ZNF286A: variants seen among roughly 807,000 people sequenced by gnomAD.
ZNF286A encodes zinc finger protein 286A, also known as zinc finger protein ZNF286.
A neutral mutation model predicts 49.3 loss-of-function variants in ZNF286A; 34 were observed. The ratio of observed to expected loss-of-function variants is 0.69; its 90% confidence interval spans 0.52 to 0.92. The LOEUF (loss-of-function observed/expected upper bound fraction) is 0.92, where lower values mean the gene tolerates loss of function less well. Ranked by LOEUF, ZNF286A falls within the 40% of genes least tolerant of loss-of-function variation. The pLI is 0.00. For missense variants in ZNF286A, 462 were observed against 600.2 expected, an observed-to-expected ratio of 0.77 and a Z score of 2.41; for synonymous variants, 155 against 200.4, an observed-to-expected ratio of 0.77 and a Z score of 1.91.
chr17:15,709,827 A>G (rs1484645422), intron 5 of ZNF286A: 3 of 1,547,310 alleles, frequency 1.9e-6, no homozygotes, highest in South Asian at 1.2e-5. Flanking sequence ...AGTTGCAGTG[A>G]TCATCCTTTT....
At chr17:15,708,315 T>TAAG (rs1223175923) in intron 5 of ZNF286A, 68 bp downstream of exon 5, 4 of 1,324,246 alleles carry the variant, frequency 3.0e-6, no homozygotes, top group Non-Finnish European at 4.0e-6. Flanking sequence ...TACTTTTCAG[T>TAAG]GCTTAAGAAA....
intron 3 of ZNF286A, chr17:15,704,924 T>TC (rs372666305): frequency 0.31 from 487,722 of 1,561,620 alleles, 77,241 homozygotes; most frequent in East Asian, 0.4. Context: ...CGGGGGCGGG[T>TC]CCCCCCGGCC....
intron 3 of ZNF286A, among the ~76,000 whole-genome samples, chr17:15,705,599 C>G (rs1229348569): frequency 6.6e-6 from 1 of 151,736 alleles, no homozygotes; most frequent in African/African-American, 2.4e-5. Context: ...TTGAAATTTA[C>G]TTTGTTACTT....
intron 5 of ZNF286A, among the ~76,000 whole-genome samples, chr17:15,714,977 T>C (rs1966953388): frequency 6.6e-6 from 1 of 152,040 alleles, no homozygotes; most frequent in African/African-American, 2.4e-5. Flanking sequence ...TATCTTTAAT[T>C]CTTACATATA....
At chr17:15,704,205 T>TC (rs1990013534) in intron 3 of ZNF286A, 1 of 1,529,680 alleles carries the variant, frequency 6.5e-7, no homozygotes, top group African/African-American at 1.4e-5. Flanking sequence ...GAGGTTGGGG[T>TC]CACGGTGGAA....
chr17:15,704,511 G>C, intron 3 of ZNF286A: 1 of 1,611,408 alleles, frequency 6.2e-7, no homozygotes, highest in Non-Finnish European at 8.5e-7. Flanking sequence ...CCGCCTCCTC[G>C]TTGAGTGCAG....
intron 3 of ZNF286A, 68 bp downstream of exon 3, chr17:15,701,308 G>A (rs1989759796): frequency 7.0e-7 from 1 of 1,429,768 alleles, no homozygotes; most frequent in African/African-American, 1.4e-5. Context: ...CCTTCTTTGT[G>A]ATGTGGAGTT....
At chr17:15,704,951 C>G in intron 3 of ZNF286A, 2 of 1,473,094 alleles carry the variant, frequency 1.4e-6, no homozygotes, top group Non-Finnish European at 1.8e-6. Flanking sequence ...CTGCGTTCTT[C>G]GGTCCGCCGG....
chr17:15,707,723 A>G (rs1267395564), intron 4 of ZNF286A, among the ~76,000 whole-genome samples: 3 of 152,222 alleles, frequency 2.0e-5, no homozygotes, highest in African/African-American at 7.2e-5. Flanking sequence ...CTTGCTGCAG[A>G]TATTTAAGCT....
At chr17:15,704,074 T>A (rs1255729849) in intron 3 of ZNF286A, among the ~76,000 whole-genome samples, 32 of 151,134 alleles carry the variant, frequency 2.1e-4, no homozygotes, top group East Asian at 1.4e-3. Flanking sequence ...TTATTTTTTT[T>A]TTTTTGCTTT....
chr17:15,702,133 A>AG (rs1315366280), intron 3 of ZNF286A, among the ~76,000 whole-genome samples: 1 of 147,418 alleles, frequency 6.8e-6, no homozygotes, highest in African/African-American at 2.6e-5. Flanking sequence ...AAAAAAAAAA[A>AG]AAGAATTTTT....
rs560556567 is a variant in ZNF286A at position 15,704,921 on chromosome 17, G to A, written c.127-1466G>A. ...TTCATGGCTGCGGCCGGCCGGGGGC[G>A]GGTCCCCCCGGCCCCCTTCCTGCGT... On this transcript the variant is annotated intron_variant, in intron 3 of 5. Coordinates refer to ENST00000583566, the MANE Select transcript of ZNF286A (RefSeq NM_001130842.2). 2.3e-3 allele frequency: 3,542 copies of A among 1,563,906 alleles called. 68 individuals carry two copies. In the African/African-American group the frequency reaches 0.044, roughly 19 times the overall value.
In ZNF286A at chr17:15,708,179, G is replaced by C; in HGVS notation, c.266G>C (p.Ser89Thr). 6.3e-7 allele frequency: 1 copy of C among 1,595,028 alleles called. No homozygotes were observed. The highest frequency in any genetic ancestry group is 1.1e-5 in the South Asian group (1 of 87,702). Residue 89 changes from serine to threonine, a missense_variant, in exon 5 of 6, where the codon AGC (serine) becomes ACC (threonine). Physicochemically the swap from Ser to Thr is moderately conservative, Grantham distance 58. Around this residue, in one of 3 missense-constraint regions of ZNF286A, gnomAD observed 259 missense variants for 272.2 expected, o/e 0.95. Coordinates refer to ENST00000583566, the MANE Select transcript of ZNF286A (RefSeq NM_001130842.2). ...SLWLPVSKPE[S>T]YNLENGKEPL... ...GGGCTTCCAGTTTCCAAACCTGAGA[G>C]CTACAACTTGGAGAATGGAAAAGAA...
intron 4 of ZNF286A, among the ~76,000 whole-genome samples, chr17:15,707,450 TAAAA>T (rs1207724781): frequency 6.7e-6 from 1 of 150,008 alleles, no homozygotes; most frequent in Non-Finnish European, 1.5e-5. Flanking sequence ...AAAAAAAAAT[TAAAA>T]AAGAAAGTGA....
At chr17:15,702,853 T>C (rs894621852) in intron 3 of ZNF286A, among the ~76,000 whole-genome samples, 1 of 152,254 alleles carries the variant, frequency 6.6e-6, no homozygotes, top group Non-Finnish European at 1.5e-5. Flanking sequence ...CATATAGGGC[T>C]CAAACAAGAA....
chr17:15,713,733 A>G (rs2151478242), intron 5 of ZNF286A, among the ~76,000 whole-genome samples: 1 of 150,828 alleles, frequency 6.6e-6, no homozygotes, highest in South Asian at 2.1e-4. Context: ...AACTTTTAGT[A>G]TCACAACTGA....
rs976082960 is a variant in ZNF286A at position 15,719,424 on chromosome 17, A to G, written c.*2134A>G. 1 of 148,332 alleles carries G rather than the reference A, an allele frequency of 6.7e-6. No homozygotes were observed. Among genetic ancestry groups the G allele is most frequent in the African/African-American group, 2.5e-5 (1 of 39,624 alleles). The allele number at this position is 148,332 out of a possible 1,614,324, so 9.2% of individuals were successfully genotyped here. The stretch of plus-strand genomic sequence containing the variant: ...TGGGCTTTAATATCACAAACAGAGC[A>G]GCTTATAAGCAACAGAAACTTACTT... On this transcript the variant is annotated 3_prime_UTR_variant, in exon 6 of 6. Transcript: ENST00000583566.
At chr17:15,715,249 G>A (rs1264384226) in intron 5 of ZNF286A, among the ~76,000 whole-genome samples, 1 of 150,656 alleles carries the variant, frequency 6.6e-6, no homozygotes, top group African/African-American at 2.4e-5. Flanking sequence ...AACAGTATAG[G>A]TATTTGTACC....
chr17:15,711,634 C>T (rs968705167), intron 5 of ZNF286A, among the ~76,000 whole-genome samples: 1 of 152,108 alleles, frequency 6.6e-6, no homozygotes, highest in Non-Finnish European at 1.5e-5. Flanking sequence ...TAAATAATTA[C>T]CCTTTGTGGG....
Sources: gnomAD v4.1 joint callset for allele counts (sites outside exome capture counted in the v4.1 genomes callset) on GRCh38, gnomAD v4.1.1 for gene constraint, gnomAD v4.1.1 regional missense constraint, MANE v1.5 for transcripts, NCBI Gene and HGNC (gene_info 2026-07-23, HGNC 2026-07-21) for gene names.